The following MAPK4 variants were observed in gnomAD, a reference collection of about 807,000 sequenced individuals.
The protein encoded by MAPK4 is Erk3-related.
In MAPK4, 22 loss-of-function variants were observed where a neutral mutation model predicts 47.7. The observed-to-expected ratio is 0.46, with a 90% CI of 0.33 to 0.66. The LOEUF (loss-of-function observed/expected upper bound fraction) is 0.66. MAPK4 is among the 30% of genes least tolerant of loss of function. The pLI, the probability that MAPK4 is intolerant of heterozygous loss-of-function variation, is 0.02. For synonymous variants in MAPK4, 390 were observed against 365.7 expected (o/e 1.07, Z -0.76); for missense variants, 736 against 831.7 (o/e 0.88, Z 1.42).
At chr18:50,592,869 C>T (rs867728750) in intron 1 of MAPK4, among the ~76,000 whole-genome samples, 82 of 152,308 alleles carry the variant, frequency 5.4e-4, no homozygotes, top group African/African-American at 1.9e-3. Context: ...TTGGAACACT[C>T]AGAGAGTTAA....
chr18:50,585,294 A>G (rs1255786259), intron 1 of MAPK4, among the ~76,000 whole-genome samples: 1 of 152,122 alleles, frequency 6.6e-6, no homozygotes, highest in African/African-American at 2.4e-5. Flanking sequence ...CATCAATTGC[A>G]TTTCTATGAT....
At chr18:50,625,682 C>T (rs1016971880) in intron 1 of MAPK4, among the ~76,000 whole-genome samples, 2 of 152,078 alleles carry the variant, frequency 1.3e-5, no homozygotes, top group African/African-American at 4.8e-5. Context: ...ATACCAAAGC[C>T]AGGCTGGACC....
chr18:50,698,079 C>T (rs1420202425), intron 2 of MAPK4, among the ~76,000 whole-genome samples: 1 of 152,174 alleles, frequency 6.6e-6, no homozygotes, highest in Non-Finnish European at 1.5e-5. Flanking sequence ...AATGAAGAAA[C>T]CTAGTCTGGG....
At chr18:50,720,442 G>A (rs113498627) in intron 3 of MAPK4, among the ~76,000 whole-genome samples, 138 of 152,198 alleles carry the variant, frequency 9.1e-4, no homozygotes, top group African/African-American at 3.0e-3. Context: ...AGGGCTGTCT[G>A]CCACCAAAGC....
intron 4 of MAPK4, among the ~76,000 whole-genome samples, chr18:50,724,261 G>A (rs746096394): frequency 6.6e-6 from 1 of 152,222 alleles, no homozygotes; most frequent in South Asian, 2.1e-4. Flanking sequence ...CAAGCCCAGG[G>A]TGATCTCAAA....
At chr18:50,717,793 TATGGGCAGCTGGTGTAATAATTAGCTC>T (rs1464023598) in intron 3 of MAPK4, among the ~76,000 whole-genome samples, 1 of 152,172 alleles carries the variant, frequency 6.6e-6, no homozygotes, top group Non-Finnish European at 1.5e-5. Context: ...AGTGACCACA[TATGGGCAGCTGGTGTAATAATTAGCTC>T]ATGGGCACTG....
chr18:50,606,734 C>T (rs1474655897), intron 1 of MAPK4, among the ~76,000 whole-genome samples: 2 of 152,170 alleles, frequency 1.3e-5, no homozygotes, highest in African/African-American at 4.8e-5. Context: ...TGTTGAAGTA[C>T]GGAAGCAGTC....
intron 1 of MAPK4, among the ~76,000 whole-genome samples, chr18:50,644,826 A>G (rs1421608702): frequency 6.6e-6 from 1 of 152,198 alleles, no homozygotes; most frequent in Non-Finnish European, 1.5e-5. Context: ...AAGAAAAGGA[A>G]CAGCAAGCGA....
chr18:50,625,524 G>A (rs1218921073), intron 1 of MAPK4, among the ~76,000 whole-genome samples: 1 of 152,190 alleles, frequency 6.6e-6, no homozygotes, highest in Non-Finnish European at 1.5e-5. Flanking sequence ...CAAGGGCTGT[G>A]ACACAGATGG....
chr18:50,575,811 A>C (rs1382593929), intron 1 of MAPK4, among the ~76,000 whole-genome samples: 16 of 150,040 alleles, frequency 1.1e-4, no homozygotes, highest in African/African-American at 3.6e-4. Context: ...AAAAAAAAAA[A>C]AACCATTAAA....
intron 5 of MAPK4, among the ~76,000 whole-genome samples, chr18:50,728,122 C>G (rs910439265): frequency 2.5e-4 from 38 of 152,224 alleles, no homozygotes; most frequent in African/African-American, 8.7e-4. Flanking sequence ...ACAGCCGAAT[C>G]TGCCTCTCCT....
intron 1 of MAPK4, among the ~76,000 whole-genome samples, chr18:50,646,941 C>T (rs186149756): frequency 9.8e-5 from 15 of 152,306 alleles, no homozygotes; most frequent in Admixed American, 5.2e-4. Flanking sequence ...TTGCTACCTC[C>T]GTCCTGTACT....
chr18:50,577,924 T>C (rs2042311887), intron 1 of MAPK4, among the ~76,000 whole-genome samples: 1 of 152,190 alleles, frequency 6.6e-6, no homozygotes, highest in Non-Finnish European at 1.5e-5. Flanking sequence ...GTATCTAACA[T>C]TGTTATTTGG....
chr18:50,672,741 C>T (rs1908029515), intron 2 of MAPK4, among the ~76,000 whole-genome samples: 1 of 152,146 alleles, frequency 6.6e-6, no homozygotes, highest in South Asian at 2.1e-4. Context: ...AAGCAGGGTC[C>T]TAGAGGCGTC....
intron 2 of MAPK4, 31 bp from the exon 3 acceptor site, chr18:50,715,048 G>T: frequency 6.2e-7 from 1 of 1,610,482 alleles, no homozygotes; most frequent in South Asian, 1.1e-5. Flanking sequence ...AAAAATGACT[G>T]ATCAGTGGAA....
intron 1 of MAPK4, among the ~76,000 whole-genome samples, chr18:50,600,667 T>C (rs2042527602): frequency 6.6e-6 from 1 of 152,190 alleles, no homozygotes; most frequent in Non-Finnish European, 1.5e-5. Flanking sequence ...GTAATAAATG[T>C]ACTTTCTGTT....
chr18:50,650,712 G>A (rs2043039723), intron 1 of MAPK4, among the ~76,000 whole-genome samples: 1 of 152,294 alleles, frequency 6.6e-6, no homozygotes, highest in East Asian at 1.9e-4. Context: ...CTTCCTGAGG[G>A]CAGCCTGGCT....
intron 1 of MAPK4, among the ~76,000 whole-genome samples, chr18:50,641,674 A>T (rs2042942387): frequency 6.6e-6 from 1 of 152,214 alleles, no homozygotes; most frequent in Admixed American, 6.5e-5. Flanking sequence ...GTTTAAAAAA[A>T]GTTATTGTAC....
chr18:50,562,017 T>C (rs1412647432), intron 1 of MAPK4, among the ~76,000 whole-genome samples: 1 of 152,198 alleles, frequency 6.6e-6, no homozygotes, highest in Non-Finnish European at 1.5e-5. Flanking sequence ...ATTGTGGGAA[T>C]ACTCAGTGCT....
Sources: gnomAD v4.1 joint callset for allele counts (sites outside exome capture counted in the v4.1 genomes callset) on GRCh38, gnomAD v4.1.1 for gene constraint, MANE v1.5 for transcripts, NCBI Gene and HGNC (gene_info 2026-07-23, HGNC 2026-07-21) for gene names.